The following ITGAE variants were observed in gnomAD, a reference collection of about 807,000 sequenced individuals.
The protein encoded by ITGAE is integrin subunit alpha E.
A neutral mutation model predicts 136.5 loss-of-function variants in ITGAE; 99 were observed. That is an observed-to-expected ratio of 0.73 (90% confidence interval 0.62 to 0.86). The LOEUF is 0.86. Among genes scored for constraint, ITGAE ranks in the 40% least tolerant of loss-of-function variants. The pLI is 0.00. For synonymous variants in ITGAE, 613 were observed against 591.8 expected, an observed-to-expected ratio of 1.04 and a Z score of -0.52; for missense variants, 1,447 against 1,515.3, an observed-to-expected ratio of 0.95 and a Z score of 0.75.
intron 12 of ITGAE, among the ~76,000 whole-genome samples, chr17:3,754,421 G>A (rs575989733): frequency 3.9e-5 from 6 of 152,218 alleles, no homozygotes; most frequent in East Asian, 3.9e-4. Context: ...ACAGGCATCC[G>A]CCACCACGCC....
intron 5 of ITGAE, 73 bp downstream of exon 5, chr17:3,761,330 G>A: frequency 1.3e-6 from 2 of 1,547,682 alleles, no homozygotes; most frequent in African/African-American, 1.4e-5. Flanking sequence ...TCTGCCGTGA[G>A]CTGGTGCCTT....
chr17:3,737,398 A>T (rs1224645964), intron 20 of ITGAE, among the ~76,000 whole-genome samples: 2 of 152,122 alleles, frequency 1.3e-5, no homozygotes, highest in Non-Finnish European at 2.9e-5. Flanking sequence ...GGGACAGAGG[A>T]GTTAAGGGCA....
At chr17:3,777,451 G>A in intron 2 of ITGAE, 89 bp downstream of exon 2, 1 of 1,480,816 alleles carries the variant, frequency 6.8e-7, no homozygotes, top group Non-Finnish European at 9.1e-7. Flanking sequence ...GTGGGGTGGG[G>A]TGGGCTGCCA....
At chr17:3,738,386 G>C (rs3786022) in intron 20 of ITGAE, among the ~76,000 whole-genome samples, 31,822 of 151,988 alleles carry the variant, frequency 0.21, 3,479 homozygotes, top group East Asian at 0.32. Context: ...GACCAGGCTT[G>C]TCTCAAACTC....
Position 3,739,816 on chromosome 17 carries a change from G to T in ITGAE, c.2511C>A (p.Thr837=). 1 of 1,614,062 alleles carries T rather than the reference G, an allele frequency of 6.2e-7. No individual in the cohort carries two copies. Among genetic ancestry groups the T allele is most frequent in the Non-Finnish European group, 8.5e-7 (1 of 1,179,894 alleles). ...TATGTCCAACTCACTGAGAGACGGT[G>T]GTGGCCAACTGTAATTCTGCGACAC... ...LFCVAELQLA[T]TVSQQELVVG... Residue 837 remains threonine, a synonymous_variant, in exon 20 of 31, where the codon ACC becomes ACA. Transcript: ENST00000263087.
In ITGAE at chr17:3,743,590, C is replaced by T. The variant is rs765874245; in HGVS notation, c.2347G>A (p.Ala783Thr). 1.2e-6 allele frequency: 2 copies of T among 1,613,246 alleles called. No individual in the cohort carries two copies. Among genetic ancestry groups the T allele is most frequent in the Non-Finnish European group, 8.5e-7 (1 of 1,179,752 alleles). ...AGCTGGTAGCTGACTTTGACACTGGCATTGGAGAAGCAGTCCTCCTCACAG... is the reference window on the plus strand; with the variant it reads ...AGCTGGTAGCTGACTTTGACACTGGTATTGGAGAAGCAGTCCTCCTCACAG... ...ELCEEDCFSN[A>T]SVKVSYQLQT... The change falls in exon 19 of 31, where the codon GCC (alanine) becomes ACC (threonine). Residue 783 changes from alanine to threonine, a missense_variant. By Grantham distance (58) the Ala-to-Thr change is moderately conservative (BLOSUM62 0). Around this residue, in one of 3 missense-constraint regions of ITGAE, gnomAD observed 1,031 missense variants for 1,011.4 expected, o/e 1.02. Coordinates refer to ENST00000263087, the MANE Select transcript of ITGAE (RefSeq NM_002208.5).
chr17:3,730,977 G>C (rs2051327820), intron 23 of ITGAE, 127 bp downstream of exon 23: 2 of 658,142 alleles, frequency 3.0e-6, no homozygotes, highest in Admixed American at 2.7e-5. Flanking sequence ...GATGCCTTCT[G>C]TGGGCTCACT....
chr17:3,721,260 CTTTTTTTTTTTTTT>C (rs869087347), intron 28 of ITGAE, among the ~76,000 whole-genome samples: 2 of 46,200 alleles, frequency 4.3e-5, no homozygotes, highest in South Asian at 1.2e-3. Flanking sequence ...GAGATTTTTC[CTTTTTTTTTTTTTT>C]TTTTTTTTTT....
chr17:3,722,204 G>A (rs867789197), intron 28 of ITGAE, among the ~76,000 whole-genome samples: 5 of 151,164 alleles, frequency 3.3e-5, no homozygotes, highest in African/African-American at 7.3e-5. Flanking sequence ...CACCTAGGTC[G>A]GGTGCGGTGG....
chr17:3,763,851 G>C lies in ITGAE; in HGVS notation c.247+18C>G. On this transcript the variant is annotated intron_variant, in intron 3 of 30. Coordinates refer to ENST00000263087, the MANE Select transcript of ITGAE (RefSeq NM_002208.5). ...AGGGGGTCCTGGGGAGCATTCCCTG[G>C]AGTTGGGGCTGACTTACCTACAGGA... The C allele has an allele frequency of 6.3e-7, 1 of 1,598,186 alleles. No homozygotes were observed. Among genetic ancestry groups the C allele is most frequent in the Non-Finnish European group, 8.6e-7 (1 of 1,165,678 alleles).
Position 3,761,816 on chromosome 17 carries a change from A to G in ITGAE, c.315+99T>C, listed in dbSNP as rs996534830. The G allele has an allele frequency of 2.8e-6, 3 of 1,056,442 alleles. No individual in the cohort carries two copies. In the African/African-American group the frequency reaches 4.7e-5, roughly 17 times the overall value. 65.4% of individuals were successfully genotyped at this position (1,056,442 alleles called of 1,614,324 possible). Reference sequence around the variant, plus strand: ...GGGAGACGCTAGACTCAGCCTCGGGAACAGCATGGCAGTCAGAACTGGTCT... The same window carrying G: ...GGGAGACGCTAGACTCAGCCTCGGGGACAGCATGGCAGTCAGAACTGGTCT... On this transcript the variant is annotated intron_variant, in intron 4 of 30. Transcript: ENST00000263087.
At chr17:3,762,073 T>G (rs2143117330) in intron 3 of ITGAE, 91 bp from the exon 4 acceptor site, 1 of 1,050,412 alleles carries the variant, frequency 9.5e-7, no homozygotes, top group Non-Finnish European at 1.4e-6. Flanking sequence ...GCCACCTTGG[T>G]CAGGCCCCCA....
At chr17:3,775,504 G>C (rs994963179) in intron 2 of ITGAE, among the ~76,000 whole-genome samples, 4 of 152,108 alleles carry the variant, frequency 2.6e-5, no homozygotes, top group African/African-American at 9.7e-5. Flanking sequence ...CCGTCACCCA[G>C]GCTGGAGTGC....
chr17:3,797,158 T>TATATA (rs1491339983), intron 1 of ITGAE, among the ~76,000 whole-genome samples: 132 of 4,322 alleles, frequency 0.031, 1 homozygote, highest in African/African-American at 0.069. Context: ...TATATATATA[T>TATATA]TTTTTTTTTT....
At position 3,798,133 on chromosome 17, in the gene ITGAE, C is replaced by A. The variant is rs940910592; in HGVS notation, c.34+2978G>T. Among the ~76,000 whole-genome samples the A allele has an allele frequency of 3.9e-5, 6 of 152,214 alleles. No individual in the cohort carries two copies. Among genetic ancestry groups the A allele is most frequent in the African/African-American group, 7.2e-5 (3 of 41,442 alleles). ...GGGCTCCCACACGGCCCACACTCCCCCAGCCAGCTCTCCCCCACACACTGC... is the reference window on the plus strand; with the variant it reads ...GGGCTCCCACACGGCCCACACTCCCACAGCCAGCTCTCCCCCACACACTGC... On this transcript the variant is annotated intron_variant, in intron 1 of 30. Transcript: ENST00000263087. This position sits in a 1 kb window ranked among gnomAD's most constrained non-coding sequence, Gnocchi z 4.3.
intron 2 of ITGAE, among the ~76,000 whole-genome samples, chr17:3,775,019 C>A (rs1334467226): frequency 2.6e-5 from 4 of 152,230 alleles, no homozygotes; most frequent in South Asian, 2.1e-4. Flanking sequence ...CGGCTCACTG[C>A]AGCCTCGACT....
intron 1 of ITGAE, among the ~76,000 whole-genome samples, chr17:3,796,148 C>CGTGTGTGTGTGTGTGCGTGTGTGTGT (rs2053091862): frequency 7.7e-6 from 1 of 130,298 alleles, no homozygotes; most frequent in Non-Finnish European, 1.6e-5. Context: ...TGTGTGCATC[C>CGTGTGTGTGTGTGTGCGTGTGTGTGT]GTGTGTGTGT....
At position 3,799,069 on chromosome 17, in the gene ITGAE, C is replaced by T. The variant is rs935341664; in HGVS notation, c.34+2042G>A. Among the ~76,000 whole-genome samples, 9 of 152,176 alleles carry T rather than the reference C, an allele frequency of 5.9e-5. No homozygotes were observed. Among genetic ancestry groups the T allele is most frequent in the East Asian group, 1.9e-4 (1 of 5,192 alleles). On this transcript the variant is annotated intron_variant, in intron 1 of 30. Transcript: ENST00000263087. This position sits in a 1 kb window ranked among gnomAD's most constrained non-coding sequence, Gnocchi z 4.1. ...CTCTCCAGCCTAAGGAGGCCCAACC[C>T]GGCACAGGGTACAGGGTGCTGGGCC...
chr17:3,788,758 A>AATAATAATTATT, intron 1 of ITGAE, among the ~76,000 whole-genome samples: 1 of 146,058 alleles, frequency 6.8e-6, no homozygotes, highest in African/African-American at 2.5e-5. Context: ...ATTATTTAAA[A>AATAATAATTATT]ATAATAATTA....
Sources: allele counts gnomAD v4.1 joint callset (sites outside exome capture counted in the v4.1 genomes callset), GRCh38; gene constraint gnomAD v4.1.1; regional missense constraint gnomAD v4.1.1; non-coding constraint Gnocchi (gnomAD v3.1); transcripts MANE v1.5; gene names NCBI Gene and HGNC (gene_info 2026-07-23, HGNC 2026-07-21).